Variants in STAU2 observed in about 807,000 individuals in gnomAD.
STAU2 encodes the protein staufen double-stranded RNA binding protein 2, also known as double-stranded RNA-binding protein Staufen homolog 2.
A neutral mutation model predicts 65.9 loss-of-function variants in STAU2; 20 were observed. The observed-to-expected ratio is 0.30, with a 90% CI of 0.21 to 0.44. The LOEUF (loss-of-function observed/expected upper bound fraction) is 0.44, where lower values mean the gene tolerates loss of function less well. STAU2 is among the 20% of genes least tolerant of loss of function. STAU2 has a pLI of 1.00. For synonymous variants in STAU2, 232 were observed against 233.9 expected, an observed-to-expected ratio of 0.99 and a Z score of 0.07; for missense variants, 558 against 683.9, an observed-to-expected ratio of 0.82 and a Z score of 2.05.
intron 9 of STAU2, among the ~76,000 whole-genome samples, chr8:73,607,940 T>C (rs188888211): frequency 6.6e-6 from 1 of 152,248 alleles, no homozygotes; most frequent in East Asian, 1.9e-4. Flanking sequence ...AGATTACACG[T>C]TACACTAAAC....
At chr8:73,490,876 A>C (rs2128915192) in intron 13 of STAU2, among the ~76,000 whole-genome samples, 1 of 124,822 alleles carries the variant, frequency 8.0e-6, no homozygotes, top group South Asian at 2.4e-4. Context: ...ACTGGCACAA[A>C]AATCACAAAA....
At chr8:73,548,362 C>G (rs1328491152) in intron 13 of STAU2, among the ~76,000 whole-genome samples, 2 of 151,904 alleles carry the variant, frequency 1.3e-5, no homozygotes, top group African/African-American at 4.8e-5. Flanking sequence ...GGTTGATTCT[C>G]AGATTCTCAG....
chr8:73,442,403 TTAAAA>T (rs1227375013), intron 13 of STAU2, among the ~76,000 whole-genome samples: 2 of 151,062 alleles, frequency 1.3e-5, no homozygotes, highest in Non-Finnish European at 3.0e-5. Flanking sequence ...AAGTCTATAC[TTAAAA>T]TAACCATTTC....
At chr8:73,664,903 A>C (rs894619939) in intron 6 of STAU2, among the ~76,000 whole-genome samples, 1 of 152,112 alleles carries the variant, frequency 6.6e-6, no homozygotes, top group South Asian at 2.1e-4. Context: ...GAGGCATGAG[A>C]ATCGCTCGAA....
At chr8:73,534,212 C>T (rs1160773980) in intron 13 of STAU2, among the ~76,000 whole-genome samples, 1 of 152,150 alleles carries the variant, frequency 6.6e-6, no homozygotes, top group Non-Finnish European at 1.5e-5. Flanking sequence ...AGAGTACAGG[C>T]AGCAAGGAGC....
chr8:73,746,917 C>G (rs1586408037), upstream of STAU2: 1 of 1,007,326 alleles, frequency 9.9e-7, no homozygotes, highest in Admixed American at 5.8e-5. Context: ...GCCCGCCTCC[C>G]CGGCGCTCCC....
chr8:73,477,650 C>T (rs1820387877), intron 13 of STAU2, among the ~76,000 whole-genome samples: 2 of 152,150 alleles, frequency 1.3e-5, no homozygotes, highest in South Asian at 4.1e-4. Context: ...GAGGACAATG[C>T]TAACTGAGGG....
intron 6 of STAU2, among the ~76,000 whole-genome samples, chr8:73,659,877 G>C (rs1816698025): frequency 1.3e-5 from 2 of 152,062 alleles, no homozygotes. Context: ...TTTAAGTCAT[G>C]GCTATATTTT....
chr8:73,634,092 C>A (rs780091921), intron 6 of STAU2, among the ~76,000 whole-genome samples: 3 of 152,148 alleles, frequency 2.0e-5, no homozygotes, highest in Admixed American at 6.5e-5. Context: ...TGTTTGACCT[C>A]ATTCATAATC....
At chr8:73,697,940 T>C (rs1411402867) in intron 4 of STAU2, among the ~76,000 whole-genome samples, 2 of 151,784 alleles carry the variant, frequency 1.3e-5, no homozygotes, top group Admixed American at 6.6e-5. Context: ...ATTAGCCAGG[T>C]GTGGTGGTGC....
At chr8:73,631,343 T>C (rs1165763258) in intron 6 of STAU2, among the ~76,000 whole-genome samples, 13 of 148,740 alleles carry the variant, frequency 8.7e-5, no homozygotes, top group African/African-American at 3.2e-4. Context: ...ACCACTGCAC[T>C]CCAGCCTAGG....
In STAU2 at chr8:73,459,592, C is replaced by T. The variant is rs1381774306; in HGVS notation, c.1531-36890G>A. On this transcript the variant is annotated intron_variant, in intron 13 of 14. Transcript: ENST00000524300. ...TGAAGTCGCCTCTCGTTAAGGTGAT[C>T]CCCTCCGCGAAGACCTCAACCAGCA... Among the ~76,000 whole-genome samples, 3 of 152,042 alleles carry T rather than the reference C, an allele frequency of 2.0e-5. No homozygotes were observed. The East Asian group carries it at 5.9e-4, about 30-fold the overall frequency.
At chr8:73,473,394 C>T (rs1317007309) in intron 13 of STAU2, among the ~76,000 whole-genome samples, 2 of 152,168 alleles carry the variant, frequency 1.3e-5, no homozygotes, top group Non-Finnish European at 2.9e-5. Flanking sequence ...ATATCCACAG[C>T]AGAATGGCTG....
intron 13 of STAU2, among the ~76,000 whole-genome samples, chr8:73,433,909 C>G (rs1032100234): frequency 6.6e-6 from 1 of 151,878 alleles, no homozygotes; most frequent in Non-Finnish European, 1.5e-5. Context: ...CCACACGGCA[C>G]GCTCACTCTG....
intron 13 of STAU2, among the ~76,000 whole-genome samples, chr8:73,487,002 C>A (rs1440373077): frequency 6.6e-6 from 1 of 152,022 alleles, no homozygotes; most frequent in Non-Finnish European, 1.5e-5. Flanking sequence ...ATAAGCAAAT[C>A]TTTTTATAAT....
chr8:73,607,804 T>C lies in STAU2; in HGVS notation c.892-3941A>G, dbSNP rs553884834. ...TCTTTCTGCATATGAACTTTCTTCA[T>C]GTATTTTTCCTAGAAATAAAAGTCT... On this transcript the variant is annotated intron_variant, in intron 9 of 14. Coordinates refer to ENST00000524300, the MANE Select transcript of STAU2 (RefSeq NM_001164380.2). Among the ~76,000 whole-genome samples the C allele has an allele frequency of 6.6e-5, 10 of 152,176 alleles. No individual in the cohort carries two copies. The South Asian group carries it at 2.1e-3, about 32-fold the overall frequency.
At chr8:73,520,548 C>T (rs890670000) in intron 13 of STAU2, among the ~76,000 whole-genome samples, 4 of 152,132 alleles carry the variant, frequency 2.6e-5, no homozygotes, top group Admixed American at 2.6e-4. Flanking sequence ...GCATTTAAAC[C>T]AGAAGTGATT....
intron 6 of STAU2, among the ~76,000 whole-genome samples, chr8:73,667,663 T>C (rs899540519): frequency 1.3e-5 from 2 of 152,166 alleles, no homozygotes; most frequent in Admixed American, 6.5e-5. Context: ...GTTCTTTCGT[T>C]TTCCTCTTCT....
At chr8:73,742,746 G>C (rs1308236801) in intron 1 of STAU2, among the ~76,000 whole-genome samples, 1 of 151,814 alleles carries the variant, frequency 6.6e-6, no homozygotes, top group African/African-American at 2.4e-5. Context: ...GGGAAGACGT[G>C]ATGCTCATGA....
Sources: gnomAD v4.1 joint callset for allele counts (sites outside exome capture counted in the v4.1 genomes callset) on GRCh38, gnomAD v4.1.1 for gene constraint, MANE v1.5 for transcripts, NCBI Gene and HGNC (gene_info 2026-07-23, HGNC 2026-07-21) for gene names.